The following STARD9 variants were observed in gnomAD, a reference collection of about 807,000 sequenced individuals.
STARD9 encodes the protein stAR-related lipid transfer protein 9.
A neutral mutation model predicts 399.8 loss-of-function variants in STARD9; 346 were observed. The ratio of observed to expected loss-of-function variants is 0.87; its 90% CI spans 0.79 to 0.95. The LOEUF is 0.95. Among genes scored for constraint, STARD9 ranks in the 40% least tolerant of loss-of-function variants. The pLI is 0.00. For missense variants in STARD9, 5,832 were observed against 5,667.5 expected (o/e 1.03, Z -0.93); for synonymous variants, 2,203 against 2,143.5 (o/e 1.03, Z -0.77).
chr15:42,587,623 A>G (rs751013542), intron 3 of STARD9, among the ~76,000 whole-genome samples: 4 of 152,018 alleles, frequency 2.6e-5, no homozygotes, highest in East Asian at 1.9e-4. Flanking sequence ...CTGGAGTGCA[A>G]TGGCACCATC....
At position 42,684,948 on chromosome 15, in the gene STARD9, C is replaced by T. The variant is rs543140381; in HGVS notation, c.3370C>T (p.Leu1124=). Residue 1124 remains leucine (L), a synonymous_variant, in exon 23 of 33, where the codon CTG becomes TTG. Coordinates refer to ENST00000290607, the MANE Select transcript of STARD9 (RefSeq NM_020759.3). ...CTATGCCAAAGCCCTGATAGAGCCACTGAAGCCAGAGGAGAGGAAATGGGA... is the reference window on the plus strand; with the variant it reads ...CTATGCCAAAGCCCTGATAGAGCCATTGAAGCCAGAGGAGAGGAAATGGGA... ...CVYAKALIEP[L]KPEERKWDFP... 1.3e-6 allele frequency: 2 copies of T among 1,537,044 alleles called. No individual in the cohort carries two copies. The highest frequency in any genetic ancestry group is 2.4e-5 in the South Asian group (2 of 84,068).
intron 7 of STARD9, among the ~76,000 whole-genome samples, chr15:42,648,694 GA>G (rs2059694318): frequency 6.6e-6 from 1 of 152,034 alleles, no homozygotes; most frequent in African/African-American, 2.4e-5. Flanking sequence ...TGGGATTCTT[GA>G]ATTGTGCTTT....
intron 2 of STARD9, among the ~76,000 whole-genome samples, chr15:42,585,104 T>C (rs1389102513): frequency 6.6e-6 from 1 of 152,184 alleles, no homozygotes; most frequent in Non-Finnish European, 1.5e-5. Context: ...AGACTTGGAT[T>C]CACCCCCAAG....
At chr15:42,621,555 C>T (rs2059094342) in intron 3 of STARD9, among the ~76,000 whole-genome samples, 1 of 152,186 alleles carries the variant, frequency 6.6e-6, no homozygotes, top group Non-Finnish European at 1.5e-5. Context: ...AAGTGACATA[C>T]AGAAAACAGA....
At chr15:42,719,100 G>A (rs749337894) in intron 32 of STARD9, among the ~76,000 whole-genome samples, 190 bp downstream of exon 32, 2 of 152,214 alleles carry the variant, frequency 1.3e-5, no homozygotes, top group Admixed American at 6.5e-5. Context: ...AAGGGAATGC[G>A]ACAGGAGTTT....
In STARD9 at chr15:42,711,432, C is replaced by T. The variant is rs575255168; in HGVS notation, c.13285-5245C>T. Reference sequence around the variant, plus strand: ...CTGGGATTACAGGCGTGAGCCACTGCACCCAGCTCCACATAGCCTTCTTAT... The same window carrying T: ...CTGGGATTACAGGCGTGAGCCACTGTACCCAGCTCCACATAGCCTTCTTAT... On this transcript the variant is annotated intron_variant, in intron 26 of 32. Coordinates refer to ENST00000290607, the MANE Select transcript of STARD9 (RefSeq NM_020759.3). 2.0e-5 allele frequency among the ~76,000 whole-genome samples: 3 copies of T among 152,322 alleles called. No homozygotes were observed. In the East Asian group the frequency reaches 5.8e-4, roughly 29 times the overall value.
chr15:42,596,909 C>T (rs2058517361), intron 3 of STARD9, among the ~76,000 whole-genome samples: 1 of 152,164 alleles, frequency 6.6e-6, no homozygotes, highest in Non-Finnish European at 1.5e-5. Context: ...ATACCTCCCA[C>T]TCATCTTATT....
At chr15:42,608,021 T>G (rs1325243193) in intron 3 of STARD9, among the ~76,000 whole-genome samples, 2 of 152,120 alleles carry the variant, frequency 1.3e-5, no homozygotes, top group African/African-American at 4.8e-5. Flanking sequence ...TCTTTTCCAT[T>G]ATCTTATTTT....
At chr15:42,608,001 C>G (rs574188738) in intron 3 of STARD9, among the ~76,000 whole-genome samples, 15 of 152,292 alleles carry the variant, frequency 9.8e-5, no homozygotes, top group Middle Eastern at 3.4e-3. Flanking sequence ...ACCCCCACCC[C>G]CCGCAGGTCT....
Position 42,638,712 on chromosome 15 carries a change from C to T in STARD9, c.459C>T (p.Ile153=). Residue 153 remains isoleucine, a synonymous_variant, in exon 7 of 33, where the codon ATC becomes ATT. Transcript: ENST00000290607. ...TACTTAACTCTAGTTTTCTAGAAAT[C>T]TATAATGAACGGGTGCGGGATCTGT... ...SCRIKVSFLE[I]YNERVRDLLK... is the part of the protein sequence containing the mutation. The T allele has an allele frequency of 6.5e-7, 1 of 1,533,658 alleles. No individual in the cohort carries two copies. Among genetic ancestry groups the T allele is most frequent in the South Asian group, 1.2e-5 (1 of 83,350 alleles).
At chr15:42,589,952 C>CTT (rs961377203) in intron 3 of STARD9, among the ~76,000 whole-genome samples, 162 of 91,972 alleles carry the variant, frequency 1.8e-3, no homozygotes, top group African/African-American at 2.7e-3. Flanking sequence ...AACCTTGATT[C>CTT]TTTTTTTTTT....
Position 42,694,640 on chromosome 15 carries a change from G to A in STARD9, c.12877G>A (p.Asp4293Asn). Residue 4293 changes from aspartate to asparagine, a missense_variant, in exon 24 of 33, where the codon GAT becomes AAT. Asp to Asn is a conservative substitution (Grantham distance 23). This residue lies in a region of STARD9 where 5,828 missense variants were observed against 5,651.1 expected (regional missense o/e 1.03). Transcript: ENST00000290607. ...ACAACTGAGCCTCCTGCCCAACAAA[G>A]ATCTCTTCATCTGGGATCTTGACTT... ...QKQLSLLPNK[D>N]LFIWDLDLPS... The A allele has an allele frequency of 6.5e-7, 1 of 1,537,206 alleles. No individual in the cohort carries two copies. The highest frequency in any genetic ancestry group is 8.7e-7 in the Non-Finnish European group (1 of 1,146,888).
intron 3 of STARD9, among the ~76,000 whole-genome samples, chr15:42,601,332 G>C (rs548197862): frequency 1.7e-4 from 26 of 152,038 alleles, no homozygotes; most frequent in Middle Eastern, 3.4e-3. Flanking sequence ...TTTTCTATTC[G>C]ACAAAACCGC....
In STARD9 at chr15:42,685,742, A is replaced by T. The variant is rs190954361; in HGVS notation, c.4164A>T (p.Ala1388=). ...CTGAGGAACTAAAGCCATCAGATGCAGAAACGGTTCTGCCATATAGCTCCA... is the reference window on the plus strand; with the variant it reads ...CTGAGGAACTAAAGCCATCAGATGCTGAAACGGTTCTGCCATATAGCTCCA... ...PNTEELKPSD[A]ETVLPYSSKL... The change falls in exon 23 of 33, where the codon GCA becomes GCT. Residue 1388 remains alanine (A), a synonymous_variant. Transcript: ENST00000290607. The T allele has an allele frequency of 6.5e-7, 1 of 1,537,478 alleles. No homozygotes were observed. The highest frequency in any genetic ancestry group is 1.4e-5 in the African/African-American group (1 of 73,182).
chr15:42,614,466 T>C (rs886238562), intron 3 of STARD9, among the ~76,000 whole-genome samples: 41 of 152,340 alleles, frequency 2.7e-4, no homozygotes, highest in African/African-American at 9.6e-4. Context: ...AGTAACAAGA[T>C]ACCAGTTTGT....
intron 3 of STARD9, among the ~76,000 whole-genome samples, chr15:42,628,665 A>T (rs1025434564): frequency 7.2e-5 from 11 of 152,172 alleles, no homozygotes; most frequent in Non-Finnish European, 1.5e-4. Context: ...CAGTTTTCCC[A>T]GCACCATTTG....
Position 42,669,079 on chromosome 15 carries a change from G to T in STARD9, c.1318-79G>T. The T allele has an allele frequency of 2.4e-6, 3 of 1,249,370 alleles. No homozygotes were observed. The South Asian group carries it at 4.7e-5, about 20-fold the overall frequency. 77.4% of individuals were successfully genotyped at this position (1,249,370 alleles called of 1,614,324 possible). The stretch of plus-strand genomic sequence containing the variant: ...AAGAAAGCAGTACCCTGGGGAAATA[G>T]GAATAGATTGTAATGACTTCTGACC... On this transcript the variant is annotated intron_variant, in intron 15 of 32. Transcript: ENST00000290607.
In STARD9 at chr15:42,689,952, A is replaced by G; in HGVS notation, c.8374A>G (p.Thr2792Ala). 2 of 1,537,676 alleles carry G rather than the reference A, an allele frequency of 1.3e-6. No individual in the cohort carries two copies. The highest frequency in any genetic ancestry group is 1.7e-6 in the Non-Finnish European group (2 of 1,147,012). ...TCAGGAACCCAGAACTCTAGACACC[A>G]CATATGGAGAAGTTTCAGATAATTT... Reference protein sequence around the residue: ...EHQEPRTLDTTYGEVSDNLLV... With the variant: ...EHQEPRTLDTAYGEVSDNLLV... Residue 2792 changes from threonine to alanine, a missense_variant, in exon 23 of 33, where the codon ACA becomes GCA. By Grantham distance (58) the Thr-to-Ala change is moderately conservative. Around this residue, in one of 2 missense-constraint regions of STARD9, gnomAD observed 5,828 missense variants for 5,651.1 expected, o/e 1.03. Transcript: ENST00000290607.
chr15:42,635,049 G>A, intron 4 of STARD9, 77 bp downstream of exon 4: 2 of 677,732 alleles, frequency 3.0e-6, no homozygotes, highest in Non-Finnish European at 2.3e-6. Context: ...CTGTGAGACA[G>A]AATATGATTT....
Sources: allele counts gnomAD v4.1 joint callset (sites outside exome capture counted in the v4.1 genomes callset), GRCh38; gene constraint gnomAD v4.1.1; regional missense constraint gnomAD v4.1.1; transcripts MANE v1.5; gene names NCBI Gene and HGNC (gene_info 2026-07-23, HGNC 2026-07-21).